The following SRSF3 variants were observed in gnomAD, a reference collection of about 807,000 sequenced individuals.
The protein encoded by SRSF3 is serine/arginine-rich splicing factor 3.
For synonymous variants in SRSF3, 87 were observed against 73.6 expected, an observed-to-expected ratio of 1.18 and a Z score of -0.93; for missense variants, 58 against 217.1, an observed-to-expected ratio of 0.27 and a Z score of 4.61.
At chr6:36,598,656 A>G (rs1778670539) in intron 2 of SRSF3, 193 bp from the exon 3 acceptor site, 3 of 590,826 alleles carry the variant, frequency 5.1e-6, no homozygotes, top group East Asian at 6.1e-5. Context: ...TGTTGGGATT[A>G]CAGGCGTGTA....
chr6:36,598,146 C>T (rs1461728871), intron 2 of SRSF3, among the ~76,000 whole-genome samples: 1 of 152,066 alleles, frequency 6.6e-6, no homozygotes, highest in Non-Finnish European at 1.5e-5. Flanking sequence ...GAAATAAGTG[C>T]AGGGACTTCA....
chr6:36,596,960 A>C lies in SRSF3; in HGVS notation c.198A>C (p.Leu66=). Residue 66 remains leucine, a synonymous_variant, in exon 2 of 6, where the codon CTA becomes CTC. Transcript: ENST00000373715. The part of the protein sequence containing the change: ...PRDAADAVRE[L]DGRTLCGCRV... Reference sequence around the variant, plus strand: ...ATGCAGCTGATGCAGTCCGAGAGCTAGATGGAAGGTGATTTAATGATTACG... The same window carrying C: ...ATGCAGCTGATGCAGTCCGAGAGCTCGATGGAAGGTGATTTAATGATTACG... 2 of 1,614,012 alleles carry C rather than the reference A, an allele frequency of 1.2e-6. No homozygotes were observed. The highest frequency in any genetic ancestry group is 2.2e-5 in the South Asian group (2 of 91,064).
At chr6:36,594,863 T>A (rs1476815132) in intron 1 of SRSF3, 1 of 152,104 alleles carries the variant, frequency 6.6e-6, no homozygotes. Context: ...ACCGGACCTT[T>A]CAGTTCATAT....
At position 36,604,546 on chromosome 6, in the gene SRSF3, A is replaced by G; in HGVS notation, c.*2557A>G. ...AAAGTAGGGAAGTTGTAGTTTTACC[A>G]AGCACAGGTACCCTGTGTCTACCAT... On this transcript the variant is annotated 3_prime_UTR_variant, in exon 6 of 6. Coordinates refer to ENST00000373715, the MANE Select transcript of SRSF3 (RefSeq NM_003017.5). 1 of 176,398 alleles carries G rather than the reference A, an allele frequency of 5.7e-6. No homozygotes were observed. The highest frequency in any genetic ancestry group is 9.6e-5 in the East Asian group (1 of 10,402). 10.9% of individuals were successfully genotyped at this position (176,398 alleles called of 1,614,324 possible). A position where few individuals can be genotyped will look rare whatever the true frequency, so the allele number is the denominator to read the frequency against.
chr6:36,597,088 A>G (rs1408976561), intron 2 of SRSF3, 120 bp downstream of exon 2: 3 of 719,560 alleles, frequency 4.2e-6, no homozygotes, highest in South Asian at 3.8e-5. Flanking sequence ...CTTTAGATAC[A>G]ATTGGGATCT....
intron 3 of SRSF3, among the ~76,000 whole-genome samples, chr6:36,599,205 T>C (rs1056814100): frequency 6.6e-6 from 1 of 152,312 alleles, no homozygotes; most frequent in South Asian, 2.1e-4. Flanking sequence ...CTATCTTGGA[T>C]CTGTCTTCTA....
intron 1 of SRSF3, among the ~76,000 whole-genome samples, chr6:36,595,973 G>A (rs550070091): frequency 7.2e-5 from 11 of 152,174 alleles, no homozygotes; most frequent in South Asian, 2.1e-4. Context: ...CGCCGAGGCT[G>A]GAGTGCAGTG....
At chr6:36,595,861 CA>C (rs1778618762) in intron 1 of SRSF3, among the ~76,000 whole-genome samples, 4 of 152,300 alleles carry the variant, frequency 2.6e-5, no homozygotes, top group Admixed American at 2.6e-4. Context: ...TATCTAATGA[CA>C]TTTGATACTA....
chr6:36,599,468 T>C (rs564743731), intron 3 of SRSF3: 1 of 204,550 alleles, frequency 4.9e-6, no homozygotes, highest in South Asian at 7.6e-5. Context: ...AAAGAAGTAA[T>C]CCCAGTCATC....
chr6:36,596,299 C>G (rs541537819), intron 1 of SRSF3, among the ~76,000 whole-genome samples: 1 of 152,030 alleles, frequency 6.6e-6, no homozygotes, highest in Non-Finnish European at 1.5e-5. Context: ...TATGTAGGTA[C>G]TTTGAATCGC....
rs1269342405 is a variant in SRSF3, at chr6:36,596,830, A to G, written c.68A>G (p.Lys23Arg). The stretch of plus-strand genomic sequence containing the variant: ...GGCAATCTTGGAAACAATGGCAACA[A>G]GACGGAATTGGAACGGGCTTTTGGC... ...YVGNLGNNGN[K>R]TELERAFGYY... The change falls in exon 2 of 6, where the codon AAG (lysine) becomes AGG (arginine). Residue 23 changes from lysine (K) to arginine (R), a missense_variant. Coordinates refer to ENST00000373715, the MANE Select transcript of SRSF3 (RefSeq NM_003017.5). 6.2e-7 allele frequency: 1 copy of G among 1,614,142 alleles called. No individual in the cohort carries two copies. The highest frequency in any genetic ancestry group is 1.7e-5 in the Admixed American group (1 of 60,000).
chr6:36,601,531 A>G, intron 4 of SRSF3, 177 bp from the exon 5 acceptor site: 1 of 626,082 alleles, frequency 1.6e-6, no homozygotes, highest in South Asian at 2.2e-5. Context: ...TTTTGTGGAG[A>G]TGGGATCTCA....
At position 36,603,482 on chromosome 6, in the gene SRSF3, C is replaced by T. The variant is rs904862418; in HGVS notation, c.*1493C>T. 10 of 222,954 alleles carry T rather than the reference C, an allele frequency of 4.5e-5. No homozygotes were observed. Among genetic ancestry groups the T allele is most frequent in the African/African-American group, 1.6e-4 (7 of 44,734 alleles). 13.8% of individuals were successfully genotyped at this position (222,954 alleles called of 1,614,324 possible). A position where few individuals can be genotyped will look rare whatever the true frequency, so the allele number is the denominator to read the frequency against. On this transcript the variant is annotated 3_prime_UTR_variant, in exon 6 of 6. Transcript: ENST00000373715. The stretch of plus-strand genomic sequence containing the variant: ...GCTCTTAAGATAGTTTTGGATTATG[C>T]GGTATTGACTGTCTTAAATATGAAA...
intron 2 of SRSF3, chr6:36,597,265 G>C: frequency 5.2e-6 from 2 of 381,800 alleles, no homozygotes; most frequent in Non-Finnish European, 9.6e-6. Context: ...GCCATCATGC[G>C]GGGCTGATTT....
At chr6:36,598,680 C>A (rs554784635) in intron 2 of SRSF3, among the ~76,000 whole-genome samples, 169 bp from the exon 3 acceptor site, 31 of 152,256 alleles carry the variant, frequency 2.0e-4, no homozygotes, top group South Asian at 1.5e-3. Flanking sequence ...CCGTGCCTGG[C>A]CAAAGCTCAT....
intron 3 of SRSF3, 163 bp from the exon 4 acceptor site, chr6:36,600,989 T>TC (rs1436100711): frequency 6.9e-6 from 3 of 434,616 alleles, no homozygotes. Context: ...TTTTTTTTCT[T>TC]TTCTTTTTTT....
intron 4 of SRSF3, 48 bp downstream of exon 4, chr6:36,601,238 C>G (rs373030573): frequency 3.1e-6 from 5 of 1,603,420 alleles, no homozygotes; most frequent in Non-Finnish European, 2.6e-6. Flanking sequence ...GGCAGTGTTT[C>G]TGCTATTCCT....
chr6:36,597,605 C>T (rs1032197102), intron 2 of SRSF3, among the ~76,000 whole-genome samples: 9 of 152,000 alleles, frequency 5.9e-5, no homozygotes, highest in Admixed American at 2.0e-4. Context: ...CTCCATGCCC[C>T]CACCCCCCTT....
Position 36,602,271 on chromosome 6 carries a change from TA to T in SRSF3, c.*284del. 1 of 437,418 alleles carries T rather than the reference TA, an allele frequency of 2.3e-6. No homozygotes were observed. The highest frequency in any genetic ancestry group is 3.8e-6 in the Non-Finnish European group (1 of 260,702). 27.1% of individuals were successfully genotyped at this position (437,418 alleles called of 1,614,324 possible). ...GAACTTTTAGTTATGCACAGACTGA[TA>T]ATAAACCTCTAAACCTGCCCAGCGG... is the stretch of plus-strand genomic sequence containing the variant. On this transcript the variant is annotated 3_prime_UTR_variant, in exon 6 of 6. Transcript: ENST00000373715.
Sources: gnomAD v4.1 joint callset for allele counts (sites outside exome capture counted in the v4.1 genomes callset) on GRCh38, gnomAD v4.1.1 for gene constraint, MANE v1.5 for transcripts, NCBI Gene and HGNC (gene_info 2026-07-23, HGNC 2026-07-21) for gene names.